The following USP43 variants were observed in gnomAD, a reference collection of about 807,000 sequenced individuals.
USP43 encodes ubiquitin carboxyl-terminal hydrolase 43.
Under a neutral mutation model 90.7 loss-of-function variants are expected in USP43, and 33 were observed. The ratio of observed to expected loss-of-function variants is 0.36; its 90% CI spans 0.28 to 0.49. The LOEUF is 0.49. Among genes scored for constraint, USP43 ranks in the 20% least tolerant of loss-of-function variants. The pLI is 0.98. For synonymous variants in USP43, 598 were observed against 615.8 expected (o/e 0.97, Z 0.43); for missense variants, 1,274 against 1,476.4 (o/e 0.86, Z 2.25).
In USP43 at chr17:9,728,815, C is replaced by A; in HGVS notation, c.3197C>A (p.Ala1066Asp). The change falls in exon 15 of 15, where the codon GCC (alanine) becomes GAC (aspartate). Residue 1066 changes from alanine (A) to aspartate (D), a missense_variant. Coordinates refer to ENST00000285199, the MANE Select transcript of USP43 (RefSeq NM_153210.5). The surrounding 1 kb of genome is among the most constrained non-coding windows in gnomAD (Gnocchi z 6.2). ...CGGCTCGAGAGGGATGTCTGGTCAG[C>A]CCCCAGCTCTCTCCGCCTCCCTCGT... ...GSRLERDVWS[A>D]PSSLRLPRKA... 6.2e-7 allele frequency: 1 copy of A among 1,613,212 alleles called. No homozygotes were observed. The highest frequency in any genetic ancestry group is 8.5e-7 in the Non-Finnish European group (1 of 1,179,582).
chr17:9,720,787 C>T (rs769561825), intron 14 of USP43, among the ~76,000 whole-genome samples: 4 of 152,246 alleles, frequency 2.6e-5, no homozygotes, highest in East Asian at 1.9e-4. Flanking sequence ...CACGCCCAGC[C>T]GGGTTTTTTT....
intron 9 of USP43, among the ~76,000 whole-genome samples, chr17:9,695,301 C>CT (rs1042303022): frequency 1.3e-5 from 2 of 151,904 alleles, no homozygotes; most frequent in Non-Finnish European, 2.9e-5. Context: ...ATAGGAAATT[C>CT]TTTTTTTTCT....
intron 14 of USP43, among the ~76,000 whole-genome samples, chr17:9,719,224 T>C (rs1288810398): frequency 6.6e-6 from 1 of 152,178 alleles, no homozygotes; most frequent in African/African-American, 2.4e-5. Context: ...TCATCCCAGC[T>C]CTGTTTAACG....
intron 9 of USP43, among the ~76,000 whole-genome samples, chr17:9,698,028 A>G (rs779729372): frequency 2.3e-4 from 35 of 152,326 alleles, no homozygotes; most frequent in South Asian, 4.1e-4. Flanking sequence ...AATAATAGCC[A>G]TCTGCTGATG....
intron 1 of USP43, among the ~76,000 whole-genome samples, chr17:9,650,794 C>T (rs933888776): frequency 6.9e-4 from 105 of 152,124 alleles, no homozygotes; most frequent in African/African-American, 2.3e-3. Flanking sequence ...TATAATAAAT[C>T]TTCATCCCTT....
Position 9,645,545 on chromosome 17 carries a change from G to T in USP43, c.-88G>T. On this transcript the variant is annotated 5_prime_UTR_variant, in exon 1 of 15. It adds an upstream start codon to the 5' untranslated region. Coordinates refer to ENST00000285199, the MANE Select transcript of USP43 (RefSeq NM_153210.5). The surrounding 1 kb of genome is among the most constrained non-coding windows in gnomAD (Gnocchi z 6.8). ...CCTGGCCCGCAGGTAGCCGGCACCAGGAGCCTTAGAGAAGCTGTAGGGCCT... is the reference window on the plus strand; with the variant it reads ...CCTGGCCCGCAGGTAGCCGGCACCATGAGCCTTAGAGAAGCTGTAGGGCCT... 8.8e-7 allele frequency: 1 copy of T among 1,130,130 alleles called. No homozygotes were observed. The highest frequency in any genetic ancestry group is 1.1e-6 in the Non-Finnish European group (1 of 917,982). The allele number at this position is 1,130,130 out of a possible 1,614,324, so 70.0% of individuals were successfully genotyped here.
chr17:9,707,838 G>C (rs912107819), intron 12 of USP43, among the ~76,000 whole-genome samples: 6 of 152,080 alleles, frequency 3.9e-5, no homozygotes, highest in African/African-American at 1.4e-4. Context: ...TCTATGCCAG[G>C]TCCTGGAGCT....
At chr17:9,703,248 G>A (rs959679320) in intron 12 of USP43, among the ~76,000 whole-genome samples, 3 of 151,868 alleles carry the variant, frequency 2.0e-5, no homozygotes, top group Non-Finnish European at 2.9e-5. Flanking sequence ...GTGAAAATAA[G>A]GACAGCTGGA....
At chr17:9,684,033 A>T (rs990979446) in intron 7 of USP43, among the ~76,000 whole-genome samples, 1 of 152,148 alleles carries the variant, frequency 6.6e-6, no homozygotes, top group African/African-American at 2.4e-5. Flanking sequence ...GCTACTTGGG[A>T]GGCTATGGCA....
rs1597827228 is a variant in USP43 at position 9,666,749 on chromosome 17, T to C, written c.738T>C (p.Tyr246=). Residue 246 remains tyrosine, a splice_region_variant and synonymous_variant, in exon 3 of 15, where the codon TAT becomes TAC. Coordinates refer to ENST00000285199, the MANE Select transcript of USP43 (RefSeq NM_153210.5). ...TGCAAAGCCACTTTCAAGCACAATA[T>C]AGGTAAGATGGGGATGTGTTTAGAA... ...SFVQSHFQAQ[Y]RSSLTCPHCL... is the part of the protein sequence containing the mutation. 1 of 1,609,866 alleles carries C rather than the reference T, an allele frequency of 6.2e-7. No individual in the cohort carries two copies.
At chr17:9,667,237 G>A (rs9914966) in intron 3 of USP43, among the ~76,000 whole-genome samples, 2,810 of 151,942 alleles carry the variant, frequency 0.018, 71 homozygotes, top group African/African-American at 0.055. Context: ...ACCTAGCCGG[G>A]TGTGGCACGT....
chr17:9,654,326 A>T (rs1207763063), intron 1 of USP43, among the ~76,000 whole-genome samples: 1 of 152,194 alleles, frequency 6.6e-6, no homozygotes, highest in Non-Finnish European at 1.5e-5. Context: ...TGGTAGCCCT[A>T]CTTGGGAATC....
chr17:9,692,183 A>G (rs890089886), intron 8 of USP43, among the ~76,000 whole-genome samples: 1 of 151,036 alleles, frequency 6.6e-6, no homozygotes, highest in African/African-American at 2.4e-5. Flanking sequence ...ACATGGTGAA[A>G]CCCCATCTCT....
Position 9,700,173 on chromosome 17 carries a change from G to T in USP43, c.1459G>T (p.Val487Phe). 1.9e-6 allele frequency: 3 copies of T among 1,602,796 alleles called. No homozygotes were observed. Among genetic ancestry groups the T allele is most frequent in the Non-Finnish European group, 2.6e-6 (3 of 1,175,058 alleles). ...TGGGCTCCCTTGTTCTCTTCTCAGG[G>T]TTTTGCATCTCAGGAGGCCAGGAGG... ...RPLCHWAVDRVLHLRRPGGPP... is the reference protein window; with the variant it reads ...RPLCHWAVDRFLHLRRPGGPP... The change falls in exon 10 of 15, where the codon GTT (valine) becomes TTT (phenylalanine). Residue 487 changes from valine to phenylalanine, a missense_variant and splice_region_variant. Transcript: ENST00000285199.
intron 14 of USP43, among the ~76,000 whole-genome samples, chr17:9,718,455 C>T (rs1916735130): frequency 6.6e-6 from 1 of 152,150 alleles, no homozygotes; most frequent in Admixed American, 6.5e-5. Context: ...CAGTTAATTC[C>T]TTCCCCAGCG....
intron 14 of USP43, among the ~76,000 whole-genome samples, chr17:9,726,904 A>G (rs945236922): frequency 3.9e-4 from 59 of 152,036 alleles, no homozygotes; most frequent in African/African-American, 1.4e-3. Flanking sequence ...TTCTTTCTCA[A>G]TGATTGCAGA....
chr17:9,701,154 A>T lies in USP43; in HGVS notation c.1571A>T (p.Asp524Val), dbSNP rs1326625660. The change falls in exon 11 of 15, where the codon GAT becomes GTT. Residue 524 changes from aspartate (D) to valine (V), a missense_variant. Asp to Val is a radical substitution (Grantham distance 152). Transcript: ENST00000285199. This position sits in a 1 kb window ranked among gnomAD's most constrained non-coding sequence, Gnocchi z 7.2. ...AGCCTCCAGGAGGAGCGAGCGCAGG[A>T]TGCCGACAGTGTGTGGCAGCAGCAG... ...FGSLQEERAQDADSVWQQQQA... is the reference protein window; with the variant it reads ...FGSLQEERAQVADSVWQQQQA... 8 of 1,512,006 alleles carry T rather than the reference A, an allele frequency of 5.3e-6. 1 individual carries two copies. The South Asian group carries it at 9.3e-5, about 18-fold the overall frequency. The allele number at this position is 1,512,006 out of a possible 1,614,324, so 93.7% of individuals were successfully genotyped here.
chr17:9,656,455 C>G lies in USP43; in HGVS notation c.557C>G (p.Ala186Gly). The G allele has an allele frequency of 6.2e-7, 1 of 1,610,644 alleles. No homozygotes were observed. Among genetic ancestry groups the G allele is most frequent in the Non-Finnish European group, 8.5e-7 (1 of 1,178,530 alleles). Residue 186 changes from alanine to glycine, a missense_variant, in exon 2 of 15, where the codon GCC becomes GGC. Ala to Gly is a moderately conservative substitution (Grantham distance 60). Transcript: ENST00000285199. ...TTCCAAGGCAATTCCCAGCACGACG[C>G]CCTGGAATTCCTGCTCTGGTTGCTG... is the stretch of plus-strand genomic sequence containing the variant. ...SQFQGNSQHD[A>G]LEFLLWLLDR...
At chr17:9,681,354 T>A (rs1597844678) in intron 6 of USP43, among the ~76,000 whole-genome samples, 2 of 112,604 alleles carry the variant, frequency 1.8e-5, no homozygotes, top group African/African-American at 3.4e-5. Flanking sequence ...ATAAATAAAA[T>A]AAATAAAATA....
Sources: gnomAD v4.1 joint callset for allele counts (sites outside exome capture counted in the v4.1 genomes callset) on GRCh38, gnomAD v4.1.1 for gene constraint, Gnocchi (gnomAD v3.1) non-coding constraint, MANE v1.5 for transcripts, NCBI Gene and HGNC (gene_info 2026-07-23, HGNC 2026-07-21) for gene names.